COL12A1: variants seen among roughly 807,000 people sequenced by gnomAD.
COL12A1 encodes the protein collagen type XII alpha 1 chain.
In COL12A1, 114 loss-of-function variants were observed where a neutral mutation model predicts 349.7. The observed-to-expected ratio is 0.33, with a 90% CI of 0.28 to 0.38. The LOEUF is 0.38. Among genes scored for constraint, COL12A1 ranks in the 10% least tolerant of loss-of-function variants. COL12A1 has a pLI of 1.00. For missense variants in COL12A1, 3,284 were observed against 3,756.9 expected (o/e 0.87, Z 3.29); for synonymous variants, 1,369 against 1,329.0 (o/e 1.03, Z -0.66).
At chr6:75,172,162 C>G (rs2149447457) in intron 13 of COL12A1, among the ~76,000 whole-genome samples, 1 of 152,198 alleles carries the variant, frequency 6.6e-6, no homozygotes, top group African/African-American at 2.4e-5. Flanking sequence ...CACATGCGTA[C>G]AAGTTGATAG....
Position 75,101,624 on chromosome 6 carries a change from TC to T in COL12A1, c.8498del (p.Gly2833AspfsTer56). ...CTCTGTCTCCTGGAGGTCCCATTGGTCCTGGTGGGCCAGGTAATCCTGGGGT... is the reference window on the plus strand; with the variant it reads ...CTCTGTCTCCTGGAGGTCCCATTGGTCTGGTGGGCCAGGTAATCCTGGGGT... ...TGTPGLPGPPGPMGPPGDRGF... is the reference protein window; with the variant it reads ...TGTPGLPGPPXPMGPPGDRGF... On this transcript the variant is annotated frameshift_variant, in exon 58 of 66. Transcript: ENST00000322507. LOFTEE classifies it high-confidence loss of function. 2 of 1,613,960 alleles carry T rather than the reference TC, an allele frequency of 1.2e-6. No homozygotes were observed. The highest frequency in any genetic ancestry group is 1.7e-6 in the Non-Finnish European group (2 of 1,179,888).
intron 13 of COL12A1, among the ~76,000 whole-genome samples, chr6:75,167,723 C>T (rs534989104): frequency 6.6e-6 from 1 of 152,090 alleles, no homozygotes; most frequent in South Asian, 2.1e-4. Flanking sequence ...TATTTCTGGG[C>T]TTAAAACAAA....
intron 1 of COL12A1, among the ~76,000 whole-genome samples, chr6:75,203,825 C>G (rs773012268): frequency 2.0e-5 from 3 of 152,172 alleles, no homozygotes; most frequent in African/African-American, 7.2e-5. Context: ...AGTGGCAAAA[C>G]ATAAAAAGAG....
intron 65 of COL12A1, 95 bp from the exon 66 acceptor site, chr6:75,086,652 AT>A: frequency 5.5e-6 from 1 of 181,804 alleles, no homozygotes. Flanking sequence ...GTTAAAGTAT[AT>A]ATATATATAT....
Position 75,123,365 on chromosome 6 carries a change from G to A in COL12A1, c.6911C>T (p.Pro2304Leu), listed in dbSNP as rs1329637236. The A allele has an allele frequency of 1.2e-6, 2 of 1,605,458 alleles. No homozygotes were observed. The highest frequency in any genetic ancestry group is 3.4e-5 in the Admixed American group (2 of 59,174). Residue 2304 changes from proline (P) to leucine (L), a missense_variant, in exon 43 of 66, where the codon CCT becomes CTT. Pro to Leu is a moderately conservative substitution (Grantham distance 98, BLOSUM62 -3). Transcript: ENST00000322507. ...PTEAPTEPPT[P>L]PPPPTIPPAR... is the part of the protein sequence containing the mutation. ...TGGTGGAATGGTGGGAGGGGGAGGA[G>A]GTGTGGGTGGCTCTGTAGGGGCTTC... is the stretch of plus-strand genomic sequence containing the variant.
Position 75,182,049 on chromosome 6 carries a change from TTGCACCAC to T in COL12A1, c.1892-846_1892-839del, listed in dbSNP as rs1253987881. On this transcript the variant is annotated intron_variant, in intron 10 of 65. Coordinates refer to ENST00000322507, the MANE Select transcript of COL12A1 (RefSeq NM_004370.6). ...AGGCAGATATTGCAGTGAGCATAGATTGCACCACTGCACTCCAGCCTGGGTGACAGAGT... is the reference window on the plus strand; with the variant it reads ...AGGCAGATATTGCAGTGAGCATAGATTGCACTCCAGCCTGGGTGACAGAGT... 2.7e-5 allele frequency among the ~76,000 whole-genome samples: 4 copies of T among 147,740 alleles called. No individual in the cohort carries two copies. The Admixed American group carries it at 2.7e-4, about 10-fold the overall frequency.
In COL12A1 at chr6:75,192,301, G is replaced by A. The variant is rs1172310718; in HGVS notation, c.245C>T (p.Ser82Leu). ...ATACTCTGTTTCAGGTACAAGTTCT[G>A]ACAATAAAGTTTCAGTGGTACTAGC... Reference protein sequence around the residue: ...LSASTTETLLSELVPETEYVV... With the variant: ...LSASTTETLLLELVPETEYVV... The change falls in exon 4 of 66, where the codon TCA (serine) becomes TTA (leucine). Residue 82 changes from serine (S) to leucine (L), a missense_variant. Ser to Leu is a moderately radical substitution (Grantham distance 145, BLOSUM62 -2). Around this residue, in one of 2 missense-constraint regions of COL12A1, gnomAD observed 2,601 missense variants for 2,824.8 expected, o/e 0.92. Coordinates refer to ENST00000322507, the MANE Select transcript of COL12A1 (RefSeq NM_004370.6). 1.2e-6 allele frequency: 2 copies of A among 1,611,784 alleles called. No individual in the cohort carries two copies. The highest frequency in any genetic ancestry group is 3.3e-5 in the Admixed American group (2 of 59,850).
intron 13 of COL12A1, among the ~76,000 whole-genome samples, chr6:75,166,398 GA>G (rs1399732464): frequency 6.6e-6 from 1 of 152,096 alleles, no homozygotes; most frequent in African/African-American, 2.4e-5. Context: ...AATTCTTCTG[GA>G]AAACTTAAAA....
At chr6:75,141,980 A>G in intron 27 of COL12A1, 52 bp downstream of exon 27, 1 of 1,605,732 alleles carries the variant, frequency 6.2e-7, no homozygotes. Flanking sequence ...TGTGTTACAC[A>G]TGCATGTAAA....
chr6:75,134,725 C>A lies in COL12A1; in HGVS notation c.5524+1G>T. ...GCTATAGGAACTCAGGTTTCACTTA[C>A]TGGTCTTGCCTCTTCCCGTCATCCG... is the stretch of plus-strand genomic sequence containing the variant. On this transcript the variant is annotated splice_donor_variant, in intron 32 of 65. Coordinates refer to ENST00000322507, the MANE Select transcript of COL12A1 (RefSeq NM_004370.6). LOFTEE classifies it high-confidence loss of function. 1 of 1,595,048 alleles carries A rather than the reference C, an allele frequency of 6.3e-7. No individual in the cohort carries two copies. Among genetic ancestry groups the A allele is most frequent in the Non-Finnish European group, 8.6e-7 (1 of 1,167,814 alleles).
chr6:75,157,449 A>C (rs1024242245), intron 14 of COL12A1, among the ~76,000 whole-genome samples: 1 of 152,074 alleles, frequency 6.6e-6, no homozygotes, highest in African/African-American at 2.4e-5. Context: ...CAGAAAAAAA[A>C]AAACCTAAGA....
chr6:75,125,597 G>T (rs549363931), intron 39 of COL12A1, among the ~76,000 whole-genome samples: 1 of 151,992 alleles, frequency 6.6e-6, no homozygotes, highest in Non-Finnish European at 1.5e-5. Context: ...GCATATAGTA[G>T]GTGTCCAACT....
At chr6:75,104,004 G>A (rs1327621295) in intron 54 of COL12A1, among the ~76,000 whole-genome samples, 194 bp from the exon 55 acceptor site, 1 of 152,148 alleles carries the variant, frequency 6.6e-6, no homozygotes, top group Admixed American at 6.5e-5. Context: ...TACATTCTGA[G>A]TGTCTTTAAT....
At chr6:75,123,894 G>A (rs1478732452) in intron 42 of COL12A1, 54 bp downstream of exon 42, 4 of 1,547,182 alleles carry the variant, frequency 2.6e-6, no homozygotes, top group Admixed American at 3.7e-5. Context: ...TCCTTACCTA[G>A]AGCATTCTAT....
chr6:75,170,189 A>G (rs1423273761), intron 13 of COL12A1, among the ~76,000 whole-genome samples: 1 of 152,228 alleles, frequency 6.6e-6, no homozygotes, highest in African/African-American at 2.4e-5. Flanking sequence ...GCCAATGATA[A>G]ATGAAAAATT....
Position 75,151,962 on chromosome 6 carries a change from T to C in COL12A1, c.3905A>G (p.Lys1302Arg), listed in dbSNP as rs1179021269. The C allele has an allele frequency of 8.1e-6, 13 of 1,613,768 alleles. No individual in the cohort carries two copies. Among genetic ancestry groups the C allele is most frequent in the Non-Finnish European group, 1.0e-5 (12 of 1,179,840 alleles). Residue 1302 changes from lysine (K) to arginine (R), a missense_variant, in exon 20 of 66, where the codon AAA (lysine) becomes AGA (arginine). Transcript: ENST00000322507. ...TCCATCAGTAATGAGCACACCAATT[T>C]TTCGAGCTCGAGGTCTCATGCCAGC... ...TQAGMRPRAR[K>R]IGVLITDGKS...
intron 28 of COL12A1, 117 bp from the exon 29 acceptor site, chr6:75,138,697 A>C (rs1372522633): frequency 6.5e-7 from 1 of 1,549,610 alleles, no homozygotes; most frequent in African/African-American, 1.4e-5. Context: ...GCTCTGATGC[A>C]TGTCATGAGC....
Position 75,131,090 on chromosome 6 carries a change from A to G in COL12A1, c.5938-109T>C, listed in dbSNP as rs1328369447. 2.1e-6 allele frequency: 3 copies of G among 1,399,320 alleles called. No homozygotes were observed. In the East Asian group the frequency reaches 6.9e-5, roughly 32 times the overall value. The allele number at this position is 1,399,320 out of a possible 1,614,324, so 86.7% of individuals were successfully genotyped here. A position where few individuals can be genotyped will look rare whatever the true frequency, so the allele number is the denominator to read the frequency against. On this transcript the variant is annotated intron_variant, in intron 35 of 65. Transcript: ENST00000322507. Reference sequence around the variant, plus strand: ...ATAATAAAATGTTGAGCCCAGACACATCAGAAGCCAACTGTGCTTCTCCAT... The same window carrying G: ...ATAATAAAATGTTGAGCCCAGACACGTCAGAAGCCAACTGTGCTTCTCCAT...
In COL12A1 at chr6:75,183,546, A is replaced by G; in HGVS notation, c.1395T>C (p.Val465=). 6.2e-7 allele frequency: 1 copy of G among 1,614,180 alleles called. No homozygotes were observed. Among genetic ancestry groups the G allele is most frequent in the Non-Finnish European group, 8.5e-7 (1 of 1,180,036 alleles). The part of the protein sequence containing the change: ...NFVKVRAFLE[V]LVKSFEISPN... ...GTGAAATTTCAAAACTTTTTACAAGAACTTCCAAAAAGGCTCTAACTTTAA... is the reference window on the plus strand; with the variant it reads ...GTGAAATTTCAAAACTTTTTACAAGGACTTCCAAAAAGGCTCTAACTTTAA... The change falls in exon 10 of 66, where the codon GTT becomes GTC. Residue 465 remains valine (V), a synonymous_variant. Transcript: ENST00000322507.
Sources: allele counts gnomAD v4.1 joint callset (sites outside exome capture counted in the v4.1 genomes callset), GRCh38; gene constraint gnomAD v4.1.1; regional missense constraint gnomAD v4.1.1; transcripts MANE v1.5; gene names NCBI Gene and HGNC (gene_info 2026-07-23, HGNC 2026-07-21).